Variants in PIN1 observed in about 807,000 individuals in gnomAD.
PIN1 encodes the protein peptidylprolyl cis/trans isomerase, NIMA-interacting 1, also known as peptidyl-prolyl cis-trans isomerase NIMA-interacting 1.
A neutral mutation model predicts 19.9 loss-of-function variants in PIN1; 8 were observed. That is an observed-to-expected ratio of 0.40 (90% confidence interval 0.24 to 0.72). The LOEUF (loss-of-function observed/expected upper bound fraction) is 0.72. PIN1 is among the 30% of genes least tolerant of loss of function. The probability of loss-of-function intolerance (pLI) is 0.37; values close to 1 mark genes in which losing one functional copy is unlikely to be tolerated. For missense variants in PIN1, 185 were observed against 226.5 expected (o/e 0.82, Z 1.18); for synonymous variants, 86 against 90.8 (o/e 0.95, Z 0.30).
At chr19:9,839,938 T>G (rs1460177120) in intron 2 of PIN1, among the ~76,000 whole-genome samples, 1 of 151,368 alleles carries the variant, frequency 6.6e-6, no homozygotes, top group Non-Finnish European at 1.5e-5. Flanking sequence ...AGGCAGAGGT[T>G]GTAATGAGCC....
chr19:9,847,259 C>G (rs2046228396), intron 2 of PIN1, among the ~76,000 whole-genome samples: 1 of 152,208 alleles, frequency 6.6e-6, no homozygotes, highest in Non-Finnish European at 1.5e-5. Flanking sequence ...CTTGCCCCCT[C>G]TGCTGGCAGC....
At chr19:9,840,512 G>T (rs183153090) in intron 2 of PIN1, among the ~76,000 whole-genome samples, 4 of 152,302 alleles carry the variant, frequency 2.6e-5, no homozygotes, top group East Asian at 1.9e-4. Flanking sequence ...TCTCAACCAT[G>T]CCCAGACAGC....
chr19:9,838,369 G>A lies in PIN1; in HGVS notation c.59-67G>A. On this transcript the variant is annotated intron_variant, in intron 1 of 3. Coordinates refer to ENST00000247970, the MANE Select transcript of PIN1 (RefSeq NM_006221.4). The surrounding 1 kb of genome is among the most constrained non-coding windows in gnomAD (Gnocchi z 5.8). ...AAGCCAGGCCCTCACCCTGGCTTCT[G>A]GCTGTGGGCCCAGGGGTGTCCTGGG... 1 of 1,322,088 alleles carries A rather than the reference G, an allele frequency of 7.6e-7. No homozygotes were observed. The highest frequency in any genetic ancestry group is 1.1e-6 in the Non-Finnish European group (1 of 937,672). The allele number at this position is 1,322,088 out of a possible 1,614,324, so 81.9% of individuals were successfully genotyped here. A position where few individuals can be genotyped will look rare whatever the true frequency, so the allele number is the denominator to read the frequency against.
chr19:9,847,421 C>T lies in PIN1; in HGVS notation c.272-609C>T, dbSNP rs377477158. ...GGAGCCGGGAGAAGAGCTATGTTGCCTGCCTCTGGGACCCTGGGGCTACAG... is the reference window on the plus strand; with the variant it reads ...GGAGCCGGGAGAAGAGCTATGTTGCTTGCCTCTGGGACCCTGGGGCTACAG... On this transcript the variant is annotated intron_variant, in intron 2 of 3. Coordinates refer to ENST00000247970, the MANE Select transcript of PIN1 (RefSeq NM_006221.4). Among the ~76,000 whole-genome samples the T allele has an allele frequency of 5.9e-5, 9 of 152,218 alleles. No individual in the cohort carries two copies. The East Asian group carries it at 1.5e-3, about 26-fold the overall frequency.
At position 9,848,110 on chromosome 19, in the gene PIN1, G is replaced by A. The variant is rs745510518; in HGVS notation, c.352G>A (p.Ala118Thr). ...SQFSDCSSAK[A>T]RGDLGAFSRG... ...GTTCAGCGACTGCAGCTCAGCCAAG[G>A]CCAGGGGAGACCTGGGTGCCTTCAG... Residue 118 changes from alanine (A) to threonine (T), a missense_variant, in exon 3 of 4, where the codon GCC becomes ACC. Physicochemically the swap from Ala to Thr is moderately conservative, Grantham distance 58 (BLOSUM62 0). Transcript: ENST00000247970. 1 of 1,612,806 alleles carries A rather than the reference G, an allele frequency of 6.2e-7. No individual in the cohort carries two copies. The highest frequency in any genetic ancestry group is 8.5e-7 in the Non-Finnish European group (1 of 1,178,846).
In PIN1 at chr19:9,840,260, G is replaced by C. The variant is rs562390837; in HGVS notation, c.271+1612G>C. ...AAAAATTAGTCTGGCATGGTGGCGG[G>C]CACCTGTAGTCCCAGCTACTCGGGA... is the stretch of plus-strand genomic sequence containing the variant. On this transcript the variant is annotated intron_variant, in intron 2 of 3. Coordinates refer to ENST00000247970, the MANE Select transcript of PIN1 (RefSeq NM_006221.4). Among the ~76,000 whole-genome samples, 26 of 152,218 alleles carry C rather than the reference G, an allele frequency of 1.7e-4. No individual in the cohort carries two copies. The South Asian group carries it at 5.2e-3, about 30-fold the overall frequency.
At chr19:9,836,479 G>A (rs1287132763) in intron 1 of PIN1, 1 of 197,836 alleles carries the variant, frequency 5.1e-6, no homozygotes, top group Non-Finnish European at 1.1e-5. Flanking sequence ...CCTGGCCTGT[G>A]GCTGGGACCT....
At chr19:9,849,064 C>G (rs769579931) in intron 3 of PIN1, 26 bp from the exon 4 acceptor site, 41 of 1,528,522 alleles carry the variant, frequency 2.7e-5, no homozygotes, top group Non-Finnish European at 3.3e-5. Context: ...AGCCCTGACA[C>G]CCCCACCGCC....
chr19:9,835,907 G>C (rs1350454671), intron 1 of PIN1: 1 of 156,480 alleles, frequency 6.4e-6, no homozygotes, highest in African/African-American at 2.4e-5. Context: ...GCTTAGGCCC[G>C]ATTTAAGGGT....
Position 9,841,241 on chromosome 19 carries a change from G to A in PIN1, c.271+2593G>A, listed in dbSNP as rs764235652. 8.5e-5 allele frequency among the ~76,000 whole-genome samples: 13 copies of A among 152,326 alleles called. No individual in the cohort carries two copies. The East Asian group carries it at 1.5e-3, about 18-fold the overall frequency. On this transcript the variant is annotated intron_variant, in intron 2 of 3. Transcript: ENST00000247970. ...TATGTAAGCATGGCAGAGAGAAGCC[G>A]AGTTCTTGCACAGAATCTTGAAGGC...
At chr19:9,835,668 C>G in intron 1 of PIN1, 1 of 461,398 alleles carries the variant, frequency 2.2e-6, no homozygotes, top group Non-Finnish European at 3.8e-6. Flanking sequence ...CCCTGCCGGC[C>G]CGGCTGATAC....
rs1489524649 is a variant in PIN1, at chr19:9,835,405, G to A, written c.58+3G>A. ...GAAGCGCATGAGCCGCAGCTCAGGTGCCGCGGGGGTCGGGGCTGGGGCGGG... is the reference window on the plus strand; with the variant it reads ...GAAGCGCATGAGCCGCAGCTCAGGTACCGCGGGGGTCGGGGCTGGGGCGGG... On this transcript the variant is annotated splice_donor_region_variant and intron_variant, in intron 1 of 3. Coordinates refer to ENST00000247970, the MANE Select transcript of PIN1 (RefSeq NM_006221.4). The A allele has an allele frequency of 6.6e-7, 1 of 1,506,914 alleles. No individual in the cohort carries two copies. Among genetic ancestry groups the A allele is most frequent in the Non-Finnish European group, 8.8e-7 (1 of 1,134,450 alleles). 93.3% of individuals were successfully genotyped at this position (1,506,914 alleles called of 1,614,324 possible).
At chr19:9,848,397 A>C in intron 3 of PIN1, 2 of 506,252 alleles carry the variant, frequency 4.0e-6, no homozygotes, top group Non-Finnish European at 7.2e-6. Context: ...GTGTCTGTGC[A>C]CAGATGTCCT....
rs756028471 is a variant in PIN1, at chr19:9,849,126, C to A, written c.419C>A (p.Ala140Glu). 6.2e-7 allele frequency: 1 copy of A among 1,613,802 alleles called. No individual in the cohort carries two copies. Among genetic ancestry groups the A allele is most frequent in the Non-Finnish European group, 8.5e-7 (1 of 1,179,782 alleles). ...AAGCCATTTGAAGACGCCTCGTTTGCGCTGCGGACGGGGGAGATGAGCGGG... is the reference window on the plus strand; with the variant it reads ...AAGCCATTTGAAGACGCCTCGTTTGAGCTGCGGACGGGGGAGATGAGCGGG... ...MQKPFEDASF[A>E]LRTGEMSGPV... is the part of the protein sequence containing the mutation. The change falls in exon 4 of 4, where the codon GCG becomes GAG. Residue 140 changes from alanine (A) to glutamate (E), a missense_variant. Transcript: ENST00000247970.
At chr19:9,848,003 C>T (rs2046238321) in intron 2 of PIN1, 27 bp from the exon 3 acceptor site, 2 of 1,440,038 alleles carry the variant, frequency 1.4e-6, no homozygotes, top group Non-Finnish European at 2.0e-6. Context: ...CCTGACCTGG[C>T]ACTCCCATTC....
At position 9,838,469 on chromosome 19, in the gene PIN1, C is replaced by T; in HGVS notation, c.92C>T (p.Ala31Val). Residue 31 changes from alanine (A) to valine (V), a missense_variant, in exon 2 of 4, where the codon GCC (alanine) becomes GTC (valine). Physicochemically the swap from Ala to Val is moderately conservative, Grantham distance 64 (BLOSUM62 0). Coordinates refer to ENST00000247970, the MANE Select transcript of PIN1 (RefSeq NM_006221.4). This position sits in a 1 kb window ranked among gnomAD's most constrained non-coding sequence, Gnocchi z 5.8. ...TACTACTTCAACCACATCACTAACG[C>T]CAGCCAGTGGGAGCGGCCCAGCGGC... ...RVYYFNHITN[A>V]SQWERPSGNS... is the part of the protein sequence containing the mutation. The T allele has an allele frequency of 6.2e-7, 1 of 1,608,850 alleles. No homozygotes were observed. Among genetic ancestry groups the T allele is most frequent in the South Asian group, 1.1e-5 (1 of 89,874 alleles).
In PIN1 at chr19:9,838,623, G is replaced by T. The variant is rs2046135421; in HGVS notation, c.246G>T (p.Lys82Asn). Residue 82 changes from lysine (K) to asparagine (N), a missense_variant, in exon 2 of 4, where the codon AAG becomes AAT. Transcript: ENST00000247970. The surrounding 1 kb of genome is among the most constrained non-coding windows in gnomAD (Gnocchi z 5.8). ...SWRQEKITRTKEEALELINGY... is the reference protein window; with the variant it reads ...SWRQEKITRTNEEALELINGY... ...GGCAGGAGAAGATCACCCGGACCAA[G>T]GAGGAGGCCCTGGAGCTGATCAACG... 1.3e-6 allele frequency: 2 copies of T among 1,547,996 alleles called. No homozygotes were observed. Among genetic ancestry groups the T allele is most frequent in the Non-Finnish European group, 8.7e-7 (1 of 1,147,744 alleles).
rs981681899 is a variant in PIN1, at chr19:9,835,367, C to A, written c.23C>A (p.Pro8Gln). The A allele has an allele frequency of 2.0e-6, 3 of 1,521,388 alleles. No homozygotes were observed. The highest frequency in any genetic ancestry group is 2.6e-5 in the East Asian group (1 of 38,842). The allele number at this position is 1,521,388 out of a possible 1,614,324, so 94.2% of individuals were successfully genotyped here. ...AAGATGGCGGACGAGGAGAAGCTGC[C>A]GCCCGGCTGGGAGAAGCGCATGAGC... MADEEKLPPGWEKRMSRS... is the reference protein window; with the variant it reads MADEEKLQPGWEKRMSRS... The change falls in exon 1 of 4, where the codon CCG becomes CAG. Residue 8 changes from proline to glutamine, a missense_variant. Transcript: ENST00000247970.
chr19:9,847,064 CCT>C (rs1262620582), intron 2 of PIN1, among the ~76,000 whole-genome samples: 1 of 152,122 alleles, frequency 6.6e-6, no homozygotes, highest in Non-Finnish European at 1.5e-5. Flanking sequence ...CCCATGGGCA[CCT>C]TCCTGGGGGT....
Sources: gnomAD v4.1 joint callset for allele counts (sites outside exome capture counted in the v4.1 genomes callset) on GRCh38, gnomAD v4.1.1 for gene constraint, Gnocchi (gnomAD v3.1) non-coding constraint, MANE v1.5 for transcripts, NCBI Gene and HGNC (gene_info 2026-07-23, HGNC 2026-07-21) for gene names.